Variants in GLIS1 observed in about 807,000 individuals in gnomAD.
GLIS1 encodes the protein GLIS family zinc finger 1.
In GLIS1, 24 loss-of-function variants were observed where a neutral mutation model predicts 63.8. The observed-to-expected ratio is 0.38, with a 90% CI of 0.27 to 0.53. The LOEUF (loss-of-function observed/expected upper bound fraction) is 0.53, where lower values mean the gene tolerates loss of function less well. GLIS1 is among the 20% of genes least tolerant of loss of function. The pLI is 0.85. For missense variants in GLIS1, 1,036 were observed against 1,074.1 expected (o/e 0.96, Z 0.50); for synonymous variants, 450 against 482.5 (o/e 0.93, Z 0.88).
intron 4 of GLIS1, among the ~76,000 whole-genome samples, chr1:53,552,085 T>C (rs969259442): frequency 1.3e-5 from 2 of 151,382 alleles, no homozygotes; most frequent in Admixed American, 1.3e-4. Flanking sequence ...TAAACACACA[T>C]ACCCACTCCC....
chr1:53,622,247 G>A (rs897780532), intron 2 of GLIS1, among the ~76,000 whole-genome samples: 2 of 151,058 alleles, frequency 1.3e-5, no homozygotes, highest in African/African-American at 4.9e-5. Flanking sequence ...GGCCAACATG[G>A]TGAAACCCTG....
intron 2 of GLIS1, among the ~76,000 whole-genome samples, chr1:53,711,536 G>A (rs961292656): frequency 2.6e-5 from 4 of 152,242 alleles, no homozygotes; most frequent in Non-Finnish European, 5.9e-5. Flanking sequence ...GGAGAGCACA[G>A]CAGGGAGCTC....
At chr1:53,544,525 C>T (rs1323897623) in intron 4 of GLIS1, among the ~76,000 whole-genome samples, 4 of 152,174 alleles carry the variant, frequency 2.6e-5, no homozygotes, top group Non-Finnish European at 4.4e-5. Flanking sequence ...AATTGCAAGC[C>T]TCTCCTTGCC....
intron 2 of GLIS1, among the ~76,000 whole-genome samples, chr1:53,701,372 A>G (rs1646520926): frequency 6.6e-6 from 1 of 152,150 alleles, no homozygotes; most frequent in Non-Finnish European, 1.5e-5. Context: ...CTCCCGACTC[A>G]GGGAAAGTCT....
At chr1:53,572,431 A>T (rs1368794580) in intron 4 of GLIS1, among the ~76,000 whole-genome samples, 2 of 152,082 alleles carry the variant, frequency 1.3e-5, no homozygotes, top group Non-Finnish European at 2.9e-5. Context: ...GGACCCAGAC[A>T]CCCCATCCAC....
intron 2 of GLIS1, among the ~76,000 whole-genome samples, chr1:53,695,685 G>A (rs1023263244): frequency 6.6e-6 from 1 of 152,188 alleles, no homozygotes; most frequent in Non-Finnish European, 1.5e-5. Context: ...AGAGCTTGGA[G>A]CCCAGAGCCA....
At chr1:53,613,858 G>T (rs1645450936) in intron 2 of GLIS1, among the ~76,000 whole-genome samples, 1 of 152,170 alleles carries the variant, frequency 6.6e-6, no homozygotes, top group African/African-American at 2.4e-5. Flanking sequence ...AAAGAGGCTG[G>T]ACAGAGGACA....
intron 2 of GLIS1, among the ~76,000 whole-genome samples, chr1:53,709,660 G>A (rs533286365): frequency 6.6e-6 from 1 of 152,202 alleles, no homozygotes; most frequent in South Asian, 2.1e-4. Flanking sequence ...GAAAGTCAGG[G>A]TGTTGATGGG....
intron 2 of GLIS1, among the ~76,000 whole-genome samples, chr1:53,616,945 C>T (rs1645489034): frequency 6.6e-6 from 1 of 152,110 alleles, no homozygotes; most frequent in Admixed American, 6.5e-5. Flanking sequence ...CCATCTCCAC[C>T]CCAGACCTGA....
chr1:53,661,601 C>A (rs367605231), intron 2 of GLIS1, among the ~76,000 whole-genome samples: 2 of 152,286 alleles, frequency 1.3e-5, no homozygotes, highest in East Asian at 3.9e-4. Context: ...TGCTGAAGGA[C>A]CCTGAAGGCC....
At chr1:53,614,345 C>T (rs1255136274) in intron 2 of GLIS1, among the ~76,000 whole-genome samples, 1 of 152,094 alleles carries the variant, frequency 6.6e-6, no homozygotes, top group East Asian at 1.9e-4. Flanking sequence ...GACATTTGAA[C>T]AGAGGCCTGA....
intron 2 of GLIS1, among the ~76,000 whole-genome samples, chr1:53,629,665 C>T (rs1010025199): frequency 6.6e-6 from 1 of 152,252 alleles, no homozygotes; most frequent in Admixed American, 6.5e-5. Context: ...GTTGCAGTGG[C>T]TGCTTCTTGT....
intron 2 of GLIS1, among the ~76,000 whole-genome samples, chr1:53,619,059 T>G (rs1018487949): frequency 6.6e-6 from 1 of 152,254 alleles, no homozygotes; most frequent in Non-Finnish European, 1.5e-5. Flanking sequence ...TCAAAAGGCT[T>G]CATGATCCAG....
At chr1:53,644,243 G>C (rs964605237) in intron 2 of GLIS1, among the ~76,000 whole-genome samples, 4 of 152,096 alleles carry the variant, frequency 2.6e-5, no homozygotes, top group Non-Finnish European at 5.9e-5. Flanking sequence ...AGCCTCTGAC[G>C]GCCCAGCTAA....
chr1:53,702,097 G>A (rs1412267843), intron 2 of GLIS1, among the ~76,000 whole-genome samples: 1 of 151,962 alleles, frequency 6.6e-6, no homozygotes, highest in Non-Finnish European at 1.5e-5. Flanking sequence ...AGGCAGGCAG[G>A]CTTCCCGTGT....
chr1:53,537,361 G>T (rs1299724181), intron 4 of GLIS1, among the ~76,000 whole-genome samples: 1 of 152,268 alleles, frequency 6.6e-6, no homozygotes, highest in Admixed American at 6.5e-5. Flanking sequence ...CGTGCCGCTG[G>T]CACTAGGTGA....
At chr1:53,529,661 T>C in intron 5 of GLIS1, 130 bp downstream of exon 5, 1 of 929,306 alleles carries the variant, frequency 1.1e-6, no homozygotes, top group South Asian at 1.6e-5. Flanking sequence ...TCCGACCCAC[T>C]GCCCTGCCAA....
intron 2 of GLIS1, among the ~76,000 whole-genome samples, chr1:53,706,358 C>G (rs1646579391): frequency 6.6e-6 from 1 of 152,206 alleles, no homozygotes; most frequent in Non-Finnish European, 1.5e-5. Flanking sequence ...GTCTGGCACA[C>G]AGTAGGTGCT....
chr1:53,714,351 C>T (rs145734083), intron 2 of GLIS1, among the ~76,000 whole-genome samples: 1 of 152,330 alleles, frequency 6.6e-6, no homozygotes, highest in African/African-American at 2.4e-5. Flanking sequence ...CACTACATTT[C>T]AACTGCAGAA....
Sources: allele counts gnomAD v4.1 joint callset (sites outside exome capture counted in the v4.1 genomes callset), GRCh38; gene constraint gnomAD v4.1.1; transcripts MANE v1.5; gene names NCBI Gene and HGNC (gene_info 2026-07-23, HGNC 2026-07-21).